OR5M3: variants seen among roughly 807,000 people sequenced by gnomAD.
OR5M3 encodes olfactory receptor family 5 subfamily M member 3.
For synonymous variants in OR5M3, 129 were observed against 131.3 expected (o/e 0.98, Z 0.12); for missense variants, 384 against 378.6 (o/e 1.01, Z -0.12).
rs1195511330 is a variant in OR5M3, at chr11:56,469,330, A to C, written c.*244T>G. On this transcript the variant is annotated 3_prime_UTR_variant, in exon 2 of 2. Coordinates refer to ENST00000641993, the MANE Select transcript of OR5M3 (RefSeq NM_001004742.3). ...TGCAGCTATTTGAGCAATTTCCCTT[A>C]GTACACCTATGAACTTTGGCACACA... 3.2e-6 allele frequency: 1 copy of C among 315,450 alleles called. No homozygotes were observed. The highest frequency in any genetic ancestry group is 5.8e-6 in the Non-Finnish European group (1 of 173,404). The allele number at this position is 315,450 out of a possible 1,614,324, so 19.5% of individuals were successfully genotyped here. A position where few individuals can be genotyped will look rare whatever the true frequency, so the allele number is the denominator to read the frequency against.
chr11:56,470,060 A>G lies in OR5M3; in HGVS notation c.438T>C (p.Pro146=). The change falls in exon 2 of 2, where the codon CCT becomes CCC. Residue 146 remains proline, a synonymous_variant. Transcript: ENST00000641993. ...GACTCGTCAGAAAACCATAAATGTAAGGGAAAGTAATCAGTCGAATACAGA... is the reference window on the plus strand; with the variant it reads ...GACTCGTCAGAAAACCATAAATGTAGGGGAAAGTAATCAGTCGAATACAGA... ...RVVCIRLITF[P]YIYGFLTSLA... 5 of 1,610,826 alleles carry G rather than the reference A, an allele frequency of 3.1e-6. No homozygotes were observed. The highest frequency in any genetic ancestry group is 4.2e-6 in the Non-Finnish European group (5 of 1,177,096).
chr11:56,471,658 T>C (rs1196991781), intron 1 of OR5M3, among the ~76,000 whole-genome samples: 2 of 152,058 alleles, frequency 1.3e-5, no homozygotes, highest in East Asian at 1.9e-4. Context: ...TTTATGTATA[T>C]ACATATGTAT....
In OR5M3 at chr11:56,469,376, T is replaced by A. The variant is rs763335212; in HGVS notation, c.*198A>T. 5 of 424,590 alleles carry A rather than the reference T, an allele frequency of 1.2e-5. No homozygotes were observed. The highest frequency in any genetic ancestry group is 2.0e-5 in the African/African-American group (1 of 48,964). The allele number at this position is 424,590 out of a possible 1,614,324, so 26.3% of individuals were successfully genotyped here. On this transcript the variant is annotated 3_prime_UTR_variant, in exon 2 of 2. Coordinates refer to ENST00000641993, the MANE Select transcript of OR5M3 (RefSeq NM_001004742.3). ...ACACATCACAGTTTCAATTAACTTA[T>A]TTGTATGTAATTAATCTCCATACTC...
intron 1 of OR5M3, among the ~76,000 whole-genome samples, chr11:56,471,395 A>G (rs1247671211): frequency 6.6e-6 from 1 of 152,052 alleles, no homozygotes; most frequent in African/African-American, 2.4e-5. Context: ...TTATTTTCAA[A>G]TATAAGATGT....
Position 56,470,398 on chromosome 11 carries a change from T to C in OR5M3, c.100A>G (p.Ile34Val), listed in dbSNP as rs775222474. The change falls in exon 2 of 2, where the codon ATC becomes GTC. Residue 34 changes from isoleucine (I) to valine (V), a missense_variant. By Grantham distance (29) the Ile-to-Val change is conservative (BLOSUM62 3). Coordinates refer to ENST00000641993, the MANE Select transcript of OR5M3 (RefSeq NM_001004742.3). ...LFFIIFLVVY[I>V]ITMVGNIGMM... ...CCGATATTGCCCACCATGGTGATGATGTAGACCACAAGAAAGATGATGAAG... is the reference window on the plus strand; with the variant it reads ...CCGATATTGCCCACCATGGTGATGACGTAGACCACAAGAAAGATGATGAAG... 15 of 1,613,496 alleles carry C rather than the reference T, an allele frequency of 9.3e-6. No individual in the cohort carries two copies. The East Asian group carries it at 2.5e-4, about 26-fold the overall frequency.
chr11:56,470,328 A>G lies in OR5M3; in HGVS notation c.170T>C (p.Met57Thr), dbSNP rs767242052. The change falls in exon 2 of 2, where the codon ATG (methionine) becomes ACG (threonine). Residue 57 changes from methionine to threonine, a missense_variant. Transcript: ENST00000641993. Reference protein sequence around the residue: ...IKVSPQLNNPMYFFLSHLSFV... With the variant: ...IKVSPQLNNPTYFFLSHLSFV... ...TGACAAGTGACTGAGGAAAAAGTAC[A>G]TGGGGTTGTTAAGCTGAGGACTGAC... 6.2e-7 allele frequency: 1 copy of G among 1,613,912 alleles called. No homozygotes were observed. Among genetic ancestry groups the G allele is most frequent in the Non-Finnish European group, 8.5e-7 (1 of 1,179,886 alleles).
Position 56,469,589 on chromosome 11 carries a change from G to C in OR5M3, c.909C>G (p.Ile303Met), listed in dbSNP as rs1479943402. 1 of 1,497,884 alleles carries C rather than the reference G, an allele frequency of 6.7e-7. No individual in the cohort carries two copies. Among genetic ancestry groups the C allele is most frequent in the African/African-American group, 1.4e-5 (1 of 71,090 alleles). The allele number at this position is 1,497,884 out of a possible 1,614,324, so 92.8% of individuals were successfully genotyped here. Residue 303 changes from isoleucine to methionine, a missense_variant, in exon 2 of 2, where the codon ATC (isoleucine) becomes ATG (methionine). By Grantham distance (10) the Ile-to-Met change is conservative. Coordinates refer to ENST00000641993, the MANE Select transcript of OR5M3 (RefSeq NM_001004742.3). ...KDVKKAMMKV[I>M]SRSC ...TTTATTTTGTTTAACATGATCTGCTGATCACTTTCATCATGGCCTTTTTCA... is the reference window on the plus strand; with the variant it reads ...TTTATTTTGTTTAACATGATCTGCTCATCACTTTCATCATGGCCTTTTTCA...
At chr11:56,471,379 G>C (rs891067853) in intron 1 of OR5M3, among the ~76,000 whole-genome samples, 8 of 151,798 alleles carry the variant, frequency 5.3e-5, no homozygotes, top group African/African-American at 1.9e-4. Context: ...TGTATATTTT[G>C]CAAATTTATT....
In OR5M3 at chr11:56,470,355, T is replaced by C; in HGVS notation, c.143A>G (p.Lys48Arg). The part of the protein sequence containing the change: ...VGNIGMMVLI[K>R]VSPQLNNPMY... ...GGGGTTGTTAAGCTGAGGACTGACC[T>C]TGATTAACACCATCATGCCGATATT... Residue 48 changes from lysine to arginine, a missense_variant, in exon 2 of 2, where the codon AAG (lysine) becomes AGG (arginine). Physicochemically the swap from Lys to Arg is conservative, Grantham distance 26 (BLOSUM62 2). Transcript: ENST00000641993. 6.2e-7 allele frequency: 1 copy of C among 1,613,710 alleles called. No individual in the cohort carries two copies. Among genetic ancestry groups the C allele is most frequent in the Admixed American group, 1.7e-5 (1 of 59,984 alleles).
At position 56,469,598 on chromosome 11, in the gene OR5M3, C is replaced by T. The variant is rs145710712; in HGVS notation, c.900G>A (p.Met300Ile). The T allele has an allele frequency of 2.0e-6, 3 of 1,503,378 alleles. No individual in the cohort carries two copies. The highest frequency in any genetic ancestry group is 2.7e-6 in the Non-Finnish European group (3 of 1,116,984). The allele number at this position is 1,503,378 out of a possible 1,614,324, so 93.1% of individuals were successfully genotyped here. The stretch of plus-strand genomic sequence containing the variant: ...TTTAACATGATCTGCTGATCACTTT[C>T]ATCATGGCCTTTTTCACATCCTTGT... ...LRNKDVKKAM[M>I]KVISRSC The change falls in exon 2 of 2, where the codon ATG becomes ATA. Residue 300 changes from methionine to isoleucine, a missense_variant. Physicochemically the swap from Met to Ile is conservative, Grantham distance 10. Coordinates refer to ENST00000641993, the MANE Select transcript of OR5M3 (RefSeq NM_001004742.3).
intron 1 of OR5M3, 95 bp from the exon 2 acceptor site, chr11:56,470,636 T>C: frequency 1.9e-6 from 1 of 523,608 alleles, no homozygotes; most frequent in Non-Finnish European, 3.3e-6. Flanking sequence ...CACTTTGCAT[T>C]CTTTTCACAG....
rs182289794 is a variant in OR5M3 at position 56,469,553 on chromosome 11, T to C, written c.*21A>G. On this transcript the variant is annotated 3_prime_UTR_variant, in exon 2 of 2. Coordinates refer to ENST00000641993, the MANE Select transcript of OR5M3 (RefSeq NM_001004742.3). ...ACAAATAATAGAAGATAAAATTAAA[T>C]CAAATTTGATTTTATTTTGTTTAAC... 406 of 1,450,252 alleles carry C rather than the reference T, an allele frequency of 2.8e-4. 1 individual carries two copies. In the East Asian group the frequency reaches 8.6e-3, roughly 31 times the overall value. 89.8% of individuals were successfully genotyped at this position (1,450,252 alleles called of 1,614,324 possible).
chr11:56,469,716 G>A lies in OR5M3; in HGVS notation c.782C>T (p.Pro261Leu). The A allele has an allele frequency of 1.2e-6, 2 of 1,611,222 alleles. No homozygotes were observed. The highest frequency in any genetic ancestry group is 1.1e-5 in the South Asian group (1 of 90,896). Residue 261 changes from proline (P) to leucine (L), a missense_variant, in exon 2 of 2, where the codon CCC becomes CTC. By Grantham distance (98) the Pro-to-Leu change is moderately conservative. Coordinates refer to ENST00000641993, the MANE Select transcript of OR5M3 (RefSeq NM_001004742.3). ...GTLIFMYLRR[P>L]TEESVEQGKM... ...CCCCTGCTCCACAGACTCCTCTGTG[G>A]GACGTCTGAGATACATGAAGATCAG... is the stretch of plus-strand genomic sequence containing the variant.
chr11:56,471,435 C>T (rs1853666543), intron 1 of OR5M3, among the ~76,000 whole-genome samples: 1 of 151,802 alleles, frequency 6.6e-6, no homozygotes, highest in East Asian at 1.9e-4. Context: ...CTAGAAAATG[C>T]TTCTCAAATT....
rs377328992 is a variant in OR5M3, at chr11:56,469,767, G to A, written c.731C>T (p.Thr244Ile). Residue 244 changes from threonine (T) to isoleucine (I), a missense_variant, in exon 2 of 2, where the codon ACA becomes ATA. Transcript: ENST00000641993. Reference protein sequence around the residue: ...KAFSTCGSHLTAVIIFYGTLI... With the variant: ...KAFSTCGSHLIAVIIFYGTLI... ...AGTACCATAGAATATAATGACAGCT[G>A]TCAGATGGGACCCACATGTGGAAAA... 8.3e-5 allele frequency: 134 copies of A among 1,613,070 alleles called. 1 individual carries two copies. Among genetic ancestry groups the A allele is most frequent in the Non-Finnish European group, 9.0e-5 (106 of 1,179,292 alleles).
intron 1 of OR5M3, 138 bp from the exon 2 acceptor site, chr11:56,470,679 C>CCACAA: frequency 2.2e-6 from 1 of 461,884 alleles, no homozygotes; most frequent in Non-Finnish European, 3.8e-6. Context: ...GTAACAGGCT[C>CCACAA]TGTGATGAAT....
Position 56,469,941 on chromosome 11 carries a change from G to A in OR5M3, c.557C>T (p.Ala186Val), listed in dbSNP as rs1234957472. The A allele has an allele frequency of 3.1e-6, 5 of 1,612,434 alleles. 1 individual carries two copies. The highest frequency in any genetic ancestry group is 4.2e-6 in the Non-Finnish European group (5 of 1,178,634). ...YCADPPLIKM[A>V]CAGTFVKEYT... is the part of the protein sequence containing the mutation. Reference sequence around the variant, plus strand: ...TTCTTTTACAAAGGTCCCAGCACAGGCCATTTTGATGAGAGGTGGATCTGC... The same window carrying A: ...TTCTTTTACAAAGGTCCCAGCACAGACCATTTTGATGAGAGGTGGATCTGC... Residue 186 changes from alanine to valine, a missense_variant, in exon 2 of 2, where the codon GCC becomes GTC. By Grantham distance (64) the Ala-to-Val change is moderately conservative (BLOSUM62 0). Coordinates refer to ENST00000641993, the MANE Select transcript of OR5M3 (RefSeq NM_001004742.3).
intron 1 of OR5M3, among the ~76,000 whole-genome samples, chr11:56,472,534 C>T (rs1853678158): frequency 6.6e-6 from 1 of 151,996 alleles, no homozygotes; most frequent in Non-Finnish European, 1.5e-5. Flanking sequence ...TAGTACTCCC[C>T]TCAAGCTAAA....
In OR5M3 at chr11:56,469,954, G is replaced by A. The variant is rs1397933318; in HGVS notation, c.544C>T (p.Leu182Phe). ...INHFYCADPP[L>F]IKMACAGTFV... ...GTCCCAGCACAGGCCATTTTGATGA[G>A]AGGTGGATCTGCACAGTAGAAATGG... The change falls in exon 2 of 2, where the codon CTC becomes TTC. Residue 182 changes from leucine to phenylalanine, a missense_variant. By Grantham distance (22) the Leu-to-Phe change is conservative. Coordinates refer to ENST00000641993, the MANE Select transcript of OR5M3 (RefSeq NM_001004742.3). The A allele has an allele frequency of 6.2e-7, 1 of 1,613,196 alleles. No homozygotes were observed. The highest frequency in any genetic ancestry group is 1.3e-5 in the African/African-American group (1 of 75,024).
Sources: gnomAD v4.1 joint callset for allele counts (sites outside exome capture counted in the v4.1 genomes callset) on GRCh38, gnomAD v4.1.1 for gene constraint, MANE v1.5 for transcripts, NCBI Gene and HGNC (gene_info 2026-07-23, HGNC 2026-07-21) for gene names.